TBC1D20: variants seen among roughly 807,000 people sequenced by gnomAD.
The protein encoded by TBC1D20 is chromosome 20 open reading frame 140.
In TBC1D20, 12 loss-of-function variants were observed where a neutral mutation model predicts 41.6. The observed-to-expected ratio is 0.29, with a 90% confidence interval of 0.18 to 0.47. The LOEUF (loss-of-function observed/expected upper bound fraction) is 0.47, where lower values mean the gene tolerates loss of function less well. TBC1D20 is among the 20% of genes least tolerant of loss of function. TBC1D20 has a pLI of 1.00. For synonymous variants in TBC1D20, 205 were observed against 204.8 expected, an observed-to-expected ratio of 1.00 and a Z score of -0.01; for missense variants, 421 against 517.4, an observed-to-expected ratio of 0.81 and a Z score of 1.81.
intron 2 of TBC1D20, among the ~76,000 whole-genome samples, chr20:447,139 T>C (rs2017349956): frequency 6.7e-6 from 1 of 149,010 alleles, no homozygotes; most frequent in South Asian, 2.1e-4. Flanking sequence ...TTTTTTTTTT[T>C]TTAGTAGAGA....
intron 1 of TBC1D20, among the ~76,000 whole-genome samples, chr20:461,396 C>T (rs1312681948): frequency 6.6e-6 from 1 of 152,170 alleles, no homozygotes; most frequent in Non-Finnish European, 1.5e-5. Flanking sequence ...ATAGGGTCTC[C>T]ATCTGTCACC....
At position 448,057 on chromosome 20, in the gene TBC1D20, T is replaced by G. The variant is rs771325491; in HGVS notation, c.88A>C (p.Lys30Gln). ...AEKADFNAKR[K>Q]KKVAEIHQAL... ...TGGTGTATCTCTGCCACTTTCTTTT[T>G]CCTTTTGGCGTTAAAGTCTGAAGAT... The change falls in exon 2 of 8, where the codon AAA (lysine) becomes CAA (glutamine). Residue 30 changes from lysine to glutamine, a missense_variant. This residue lies in a region of TBC1D20 where 150 missense variants were observed against 151.3 expected (regional missense o/e 0.99). Transcript: ENST00000354200. The G allele has an allele frequency of 6.2e-7, 1 of 1,612,806 alleles. No homozygotes were observed. The highest frequency in any genetic ancestry group is 1.3e-5 in the African/African-American group (1 of 74,912).
rs200541544 is a variant in TBC1D20, at chr20:439,091, G to C, written c.956+17C>G. Reference sequence around the variant, plus strand: ...TTACAGCCACCCCCATTCAACCAGTGTCCCAGCCTTGCTCACCTCTCAGCT... The same window carrying C: ...TTACAGCCACCCCCATTCAACCAGTCTCCCAGCCTTGCTCACCTCTCAGCT... On this transcript the variant is annotated intron_variant, in intron 7 of 7. Coordinates refer to ENST00000354200, the MANE Select transcript of TBC1D20 (RefSeq NM_144628.4). This position sits in a 1 kb window ranked among gnomAD's most constrained non-coding sequence, Gnocchi z 4.6. 110 of 1,602,082 alleles carry C rather than the reference G, an allele frequency of 6.9e-5. No individual in the cohort carries two copies. The Admixed American group carries it at 7.3e-4, about 11-fold the overall frequency.
chr20:440,335 A>G lies in TBC1D20; in HGVS notation c.681T>C (p.His227=). 1 of 1,614,220 alleles carries G rather than the reference A, an allele frequency of 6.2e-7. No individual in the cohort carries two copies. Among genetic ancestry groups the G allele is most frequent in the Non-Finnish European group, 8.5e-7 (1 of 1,180,046 alleles). The part of the protein sequence containing the change: ...ALSWLITWFG[H]VLSDFRHVVR... ...CGACGTGCCTGAAGTCAGACAGGAC[A>G]TGCCCAAACCAGGTGATGAGCCAGC... The change falls in exon 6 of 8, where the codon CAT becomes CAC. Residue 227 remains histidine (H), a synonymous_variant. Transcript: ENST00000354200.
intron 1 of TBC1D20, among the ~76,000 whole-genome samples, chr20:453,099 T>C (rs956632662): frequency 2.4e-5 from 3 of 126,300 alleles, no homozygotes; most frequent in Non-Finnish European, 3.1e-5. Flanking sequence ...TAAGCTGAGA[T>C]TGCAGATCGC....
At chr20:441,435 C>A (rs1218930754) in intron 5 of TBC1D20, 153 bp downstream of exon 5, 5 of 660,176 alleles carry the variant, frequency 7.6e-6, no homozygotes, top group Admixed American at 7.4e-5. Flanking sequence ...AACTGAATTA[C>A]CCAGATTGCT....
rs564494163 is a variant in TBC1D20 at position 435,480 on chromosome 20, T to A, written c.*3106A>T. 2.6e-5 allele frequency: 4 copies of A among 153,748 alleles called. No homozygotes were observed. The Admixed American group carries it at 2.6e-4, about 10-fold the overall frequency. 9.5% of individuals were successfully genotyped at this position (153,748 alleles called of 1,614,324 possible). A position where few individuals can be genotyped will look rare whatever the true frequency, so the allele number is the denominator to read the frequency against. ...AGTGGCTCACAGAACTCAGGGAAAC[T>A]TATGTTTACCAGTTTATTACAAACA... On this transcript the variant is annotated 3_prime_UTR_variant, in exon 8 of 8. Transcript: ENST00000354200.
At chr20:461,265 G>A (rs991569175) in intron 1 of TBC1D20, among the ~76,000 whole-genome samples, 5 of 152,146 alleles carry the variant, frequency 3.3e-5, no homozygotes, top group South Asian at 2.1e-4. Context: ...TTTATTGAAT[G>A]AAAAACATTT....
intron 2 of TBC1D20, among the ~76,000 whole-genome samples, chr20:445,956 C>T (rs1049195102): frequency 1.3e-5 from 2 of 152,240 alleles, no homozygotes; most frequent in African/African-American, 4.8e-5. Flanking sequence ...AAGCTGACTG[C>T]TCTGAAGCAG....
At position 438,238 on chromosome 20, in the gene TBC1D20, T is replaced by A. The variant is rs143193401; in HGVS notation, c.*348A>T. ...TCCAGTTCACCTTCTATGGGGTGAC[T>A]AGGAGGTTCCCGGTAACTAGGGCAG... On this transcript the variant is annotated 3_prime_UTR_variant, in exon 8 of 8. Transcript: ENST00000354200. The A allele has an allele frequency of 6.4e-5, 17 of 267,126 alleles. No homozygotes were observed. The East Asian group carries it at 1.4e-3, about 23-fold the overall frequency. The allele number at this position is 267,126 out of a possible 1,614,324, so 16.5% of individuals were successfully genotyped here.
In TBC1D20 at chr20:439,551, C is replaced by A. The variant is rs1258792879; in HGVS notation, c.769-256G>T. Reference sequence around the variant, plus strand: ...CCAGTTACAATCTAAGTCCTTCGGGCATGCTGGGCTGCTCAGGTGTCCCTT... The same window carrying A: ...CCAGTTACAATCTAAGTCCTTCGGGAATGCTGGGCTGCTCAGGTGTCCCTT... On this transcript the variant is annotated intron_variant, in intron 6 of 7. Transcript: ENST00000354200. The surrounding 1 kb of genome is among the most constrained non-coding windows in gnomAD (Gnocchi z 4.6). Among the ~76,000 whole-genome samples the A allele has an allele frequency of 6.6e-6, 1 of 152,202 alleles. No homozygotes were observed. Among genetic ancestry groups the A allele is most frequent in the African/African-American group, 2.4e-5 (1 of 41,452 alleles).
Position 444,031 on chromosome 20 carries a change from T to C in TBC1D20, c.337+1019A>G, listed in dbSNP as rs1434571839. Among the ~76,000 whole-genome samples, 3 of 151,914 alleles carry C rather than the reference T, an allele frequency of 2.0e-5. No individual in the cohort carries two copies. The East Asian group carries it at 5.8e-4, about 29-fold the overall frequency. On this transcript the variant is annotated intron_variant, in intron 3 of 7. Coordinates refer to ENST00000354200, the MANE Select transcript of TBC1D20 (RefSeq NM_144628.4). ...CTGTAATCCCAGCTACTTGGGAGGCTGAGGCAGGAGAACTGCCTGAACCTG... is the reference window on the plus strand; with the variant it reads ...CTGTAATCCCAGCTACTTGGGAGGCCGAGGCAGGAGAACTGCCTGAACCTG...
intron 1 of TBC1D20, among the ~76,000 whole-genome samples, chr20:461,495 G>A (rs1391371098): frequency 1.3e-5 from 2 of 152,136 alleles, no homozygotes; most frequent in East Asian, 3.8e-4. Context: ...GAGTCGTTGG[G>A]ATCACAGGCT....
intron 7 of TBC1D20, 75 bp from the exon 8 acceptor site, chr20:438,916 T>C: frequency 2.6e-6 from 4 of 1,568,052 alleles, no homozygotes; most frequent in Non-Finnish European, 3.5e-6. Flanking sequence ...CCACATAGGC[T>C]GCGGGCAGAG....
intron 3 of TBC1D20, among the ~76,000 whole-genome samples, chr20:444,085 A>G (rs1473061481): frequency 6.6e-6 from 1 of 151,712 alleles, no homozygotes; most frequent in Non-Finnish European, 1.5e-5. Context: ...GAGCTGAGAC[A>G]GTGCCATTGC....
chr20:437,929 T>C lies in TBC1D20; in HGVS notation c.*657A>G, dbSNP rs1218664126. 1 of 153,430 alleles carries C rather than the reference T, an allele frequency of 6.5e-6. No homozygotes were observed. Among genetic ancestry groups the C allele is most frequent in the African/African-American group, 2.4e-5 (1 of 41,422 alleles). The allele number at this position is 153,430 out of a possible 1,614,324, so 9.5% of individuals were successfully genotyped here. On this transcript the variant is annotated 3_prime_UTR_variant, in exon 8 of 8. Coordinates refer to ENST00000354200, the MANE Select transcript of TBC1D20 (RefSeq NM_144628.4). ...AGGAAAAAAAGGCAGGCAAAACTAG[T>C]CTAGGTCTAGGCCCTAAAAATGAGC...
chr20:445,851 G>A (rs191452559), intron 2 of TBC1D20, among the ~76,000 whole-genome samples: 19 of 152,334 alleles, frequency 1.2e-4, no homozygotes, highest in Admixed American at 1.0e-3. Flanking sequence ...TAGGCTTCAC[G>A]GTATAAAAAG....
At position 447,962 on chromosome 20, in the gene TBC1D20, C is replaced by A. The variant is rs532969449; in HGVS notation, c.183G>T (p.Leu61=). ...RRMAISEGGL[L]TDEIRRKVWP... Reference sequence around the variant, plus strand: ...ACACTTTTCGTCTGATCTCATCAGTCAGGAGCCCTCCTTCACTGATAGCCA... The same window carrying A: ...ACACTTTTCGTCTGATCTCATCAGTAAGGAGCCCTCCTTCACTGATAGCCA... Residue 61 remains leucine (L), a synonymous_variant, in exon 2 of 8, where the codon CTG becomes CTT. Transcript: ENST00000354200. 1 of 1,614,176 alleles carries A rather than the reference C, an allele frequency of 6.2e-7. No individual in the cohort carries two copies. The highest frequency in any genetic ancestry group is 1.3e-5 in the African/African-American group (1 of 75,044).
chr20:452,530 T>C lies in TBC1D20; in HGVS notation c.71-4456A>G, dbSNP rs568787340. Among the ~76,000 whole-genome samples, 7 of 152,050 alleles carry C rather than the reference T, an allele frequency of 4.6e-5. No homozygotes were observed. In the South Asian group the frequency reaches 1.2e-3, roughly 27 times the overall value. On this transcript the variant is annotated intron_variant, in intron 1 of 7. Coordinates refer to ENST00000354200, the MANE Select transcript of TBC1D20 (RefSeq NM_144628.4). Reference sequence around the variant, plus strand: ...TACTCAGGAGGCTGGGGCGAGAGGATCACTTGAGCCCAGGAGTATAAGGCT... The same window carrying C: ...TACTCAGGAGGCTGGGGCGAGAGGACCACTTGAGCCCAGGAGTATAAGGCT...
Sources: allele counts gnomAD v4.1 joint callset (sites outside exome capture counted in the v4.1 genomes callset), GRCh38; gene constraint gnomAD v4.1.1; regional missense constraint gnomAD v4.1.1; non-coding constraint Gnocchi (gnomAD v3.1); transcripts MANE v1.5; gene names NCBI Gene and HGNC (gene_info 2026-07-23, HGNC 2026-07-21).